The following PICALM variants were observed in gnomAD, a reference collection of about 807,000 sequenced individuals.
PICALM encodes phosphatidylinositol binding clathrin assembly protein.
Under a neutral mutation model 80.5 loss-of-function variants are expected in PICALM, and 40 were observed. The observed-to-expected ratio is 0.50, with a 90% CI of 0.39 to 0.65. The LOEUF (loss-of-function observed/expected upper bound fraction) is 0.65, where lower values mean the gene tolerates loss of function less well. Among genes scored for constraint, PICALM ranks in the 30% least tolerant of loss-of-function variants. The pLI, the probability that PICALM is intolerant of heterozygous loss-of-function variation, is 0.00. For synonymous variants in PICALM, 288 were observed against 260.3 expected (o/e 1.11, Z -1.02); for missense variants, 676 against 778.9 (o/e 0.87, Z 1.57).
At chr11:86,029,367 A>G (rs609903) in intron 2 of PICALM, among the ~76,000 whole-genome samples, 105,859 of 152,068 alleles carry the variant, frequency 0.7, 37,135 homozygotes, top group African/African-American at 0.79. Context: ...CAATGGGAAC[A>G]TCTGAAGGTT....
chr11:85,992,606 A>G (rs2094819153), intron 12 of PICALM, among the ~76,000 whole-genome samples: 1 of 152,186 alleles, frequency 6.6e-6, no homozygotes, highest in Non-Finnish European at 1.5e-5. Flanking sequence ...GTTTTTAAAT[A>G]CATGATATTA....
intron 8 of PICALM, among the ~76,000 whole-genome samples, chr11:86,006,337 T>C (rs1032978213): frequency 5.9e-5 from 9 of 152,146 alleles, no homozygotes; most frequent in Non-Finnish European, 1.2e-4. Context: ...ATAATAACTG[T>C]TAACAAGGCG....
At chr11:85,991,747 C>T (rs1268144948) in intron 12 of PICALM, among the ~76,000 whole-genome samples, 1 of 151,834 alleles carries the variant, frequency 6.6e-6, no homozygotes. Context: ...TCATTCCACC[C>T]CCAATAAATG....
At chr11:86,041,234 T>C (rs140326913) in intron 1 of PICALM, among the ~76,000 whole-genome samples, 64 of 152,310 alleles carry the variant, frequency 4.2e-4, no homozygotes, top group African/African-American at 1.2e-3. Context: ...GTAAATGAAA[T>C]GTAACTTAGA....
intron 1 of PICALM, among the ~76,000 whole-genome samples, chr11:86,041,009 T>C (rs1300385966): frequency 6.6e-6 from 1 of 152,106 alleles, no homozygotes; most frequent in East Asian, 1.9e-4. Context: ...GGCAATTGTT[T>C]TGGAGGGGAA....
rs2095389071 is a variant in PICALM at position 86,011,241 on chromosome 11, T to C, written c.659-105A>G. 2.4e-5 allele frequency: 14 copies of C among 577,002 alleles called. No individual in the cohort carries two copies. In the South Asian group the frequency reaches 2.8e-4, roughly 11 times the overall value. The allele number at this position is 577,002 out of a possible 1,614,324, so 35.7% of individuals were successfully genotyped here. A position where few individuals can be genotyped will look rare whatever the true frequency, so the allele number is the denominator to read the frequency against. ...CTCCAAATAGGTCTCTAAAGGAGCA[T>C]ACATACCCTACTAGAAAAATATCAG... is the stretch of plus-strand genomic sequence containing the variant. On this transcript the variant is annotated intron_variant, in intron 6 of 19. Transcript: ENST00000393346.
At chr11:85,978,255 C>T in intron 17 of PICALM, 1 of 598,772 alleles carries the variant, frequency 1.7e-6, no homozygotes, top group Non-Finnish European at 3.0e-6. Context: ...AACATCTATA[C>T]TAAAACACTA....
chr11:86,067,658 T>C (rs1225887607), intron 1 of PICALM, among the ~76,000 whole-genome samples: 1 of 152,240 alleles, frequency 6.6e-6, no homozygotes, highest in Non-Finnish European at 1.5e-5. Flanking sequence ...TGCCAATTTT[T>C]TTAAGGGATG....
At chr11:85,993,825 A>G (rs2094873686) in intron 12 of PICALM, among the ~76,000 whole-genome samples, 1 of 152,196 alleles carries the variant, frequency 6.6e-6, no homozygotes, top group Admixed American at 6.5e-5. Context: ...CACCACAGTC[A>G]TATTATCGCC....
At chr11:86,031,099 C>A (rs375908409) in intron 2 of PICALM, among the ~76,000 whole-genome samples, 1 of 152,104 alleles carries the variant, frequency 6.6e-6, no homozygotes, top group Non-Finnish European at 1.5e-5. Flanking sequence ...GCCTGGGCAA[C>A]AAAGCAAGAC....
chr11:86,008,138 A>G (rs2095316148), intron 7 of PICALM, among the ~76,000 whole-genome samples: 1 of 152,158 alleles, frequency 6.6e-6, no homozygotes, highest in Non-Finnish European at 1.5e-5. Context: ...TCTCAAACCA[A>G]TTCCAATATA....
chr11:85,978,289 G>A, intron 17 of PICALM: 2 of 484,482 alleles, frequency 4.1e-6, no homozygotes, highest in Middle Eastern at 5.3e-4. Context: ...GGGAATTGTA[G>A]TCTTTGGCCT....
At chr11:85,967,911 G>C (rs945461574) in intron 19 of PICALM, among the ~76,000 whole-genome samples, 1 of 150,704 alleles carries the variant, frequency 6.6e-6, no homozygotes, top group Non-Finnish European at 1.5e-5. Context: ...CTTAACTGAT[G>C]TCAGACTGAT....
At position 86,001,273 on chromosome 11, in the gene PICALM, A is replaced by G. The variant is rs533137276; in HGVS notation, c.894-115T>C. ...GATAGGCACTATAATTATAAACTTAACTTCTGGATTCAAATCCAGTACTTC... is the reference window on the plus strand; with the variant it reads ...GATAGGCACTATAATTATAAACTTAGCTTCTGGATTCAAATCCAGTACTTC... On this transcript the variant is annotated intron_variant, in intron 9 of 19. Coordinates refer to ENST00000393346, the MANE Select transcript of PICALM (RefSeq NM_007166.4). 155 of 930,552 alleles carry G rather than the reference A, an allele frequency of 1.7e-4. No individual in the cohort carries two copies. In the African/African-American group the frequency reaches 2.3e-3, roughly 14 times the overall value. 57.6% of individuals were successfully genotyped at this position (930,552 alleles called of 1,614,324 possible).
intron 17 of PICALM, chr11:85,978,225 T>G (rs1304188800): frequency 1.4e-6 from 1 of 737,072 alleles, no homozygotes; most frequent in Non-Finnish European, 2.4e-6. Flanking sequence ...ATCCCTTGTA[T>G]TTCCAGTATC....
At chr11:85,972,844 T>G (rs2094152410) in intron 19 of PICALM, among the ~76,000 whole-genome samples, 1 of 152,150 alleles carries the variant, frequency 6.6e-6, no homozygotes, top group African/African-American at 2.4e-5. Context: ...GAAAAAGACA[T>G]TAACTGTGTA....
At chr11:86,009,589 G>C (rs1355905170) in intron 7 of PICALM, among the ~76,000 whole-genome samples, 1 of 152,004 alleles carries the variant, frequency 6.6e-6, no homozygotes, top group African/African-American at 2.4e-5. Flanking sequence ...CTACTCGGGA[G>C]GCTGAGACAG....
chr11:86,008,952 C>CAAAAAAAAAAAAAAAAAAAAAAAACAA, intron 7 of PICALM, among the ~76,000 whole-genome samples: 1 of 62,848 alleles, frequency 1.6e-5, no homozygotes. Context: ...AAAAAAAAGC[C>CAAAAAAAAAAAAAAAAAAAAAAAACAA]AAAAAAAAAA....
At chr11:86,041,327 G>C (rs538735470) in intron 1 of PICALM, among the ~76,000 whole-genome samples, 1 of 152,232 alleles carries the variant, frequency 6.6e-6, no homozygotes, top group Admixed American at 6.5e-5. Context: ...TAGCAATCTA[G>C]AGAGCAGCAT....
Sources: gnomAD v4.1 joint callset for allele counts (sites outside exome capture counted in the v4.1 genomes callset) on GRCh38, gnomAD v4.1.1 for gene constraint, MANE v1.5 for transcripts, NCBI Gene and HGNC (gene_info 2026-07-23, HGNC 2026-07-21) for gene names.